The following CACNA2D3 variants were observed in gnomAD, a reference collection of about 807,000 sequenced individuals.
CACNA2D3 encodes the protein calcium voltage-gated channel auxiliary subunit alpha2delta 3.
Under a neutral mutation model 160.6 loss-of-function variants are expected in CACNA2D3, and 60 were observed. The ratio of observed to expected loss-of-function variants is 0.37; its 90% CI spans 0.30 to 0.46. The LOEUF (loss-of-function observed/expected upper bound fraction) is 0.46, where lower values mean the gene tolerates loss of function less well. CACNA2D3 is among the 20% of genes least tolerant of loss of function. CACNA2D3 has a pLI of 1.00. For synonymous variants in CACNA2D3, 558 were observed against 492.9 expected (o/e 1.13, Z -1.75); for missense variants, 1,205 against 1,365.0 (o/e 0.88, Z 1.85).
chr3:54,748,151 A>C (rs1701789695), intron 11 of CACNA2D3, among the ~76,000 whole-genome samples: 2 of 152,194 alleles, frequency 1.3e-5, no homozygotes, highest in Admixed American at 6.5e-5. Flanking sequence ...TCATTATTGA[A>C]GGGAGATGTG....
At chr3:54,600,485 C>A (rs553686388) in intron 9 of CACNA2D3, among the ~76,000 whole-genome samples, 6 of 152,274 alleles carry the variant, frequency 3.9e-5, no homozygotes, top group African/African-American at 1.4e-4. Context: ...CATTGAACAG[C>A]CAGCTGGGTC....
chr3:54,648,869 C>T (rs758396897), intron 11 of CACNA2D3, among the ~76,000 whole-genome samples: 4 of 152,054 alleles, frequency 2.6e-5, no homozygotes, highest in Admixed American at 6.6e-5. Flanking sequence ...TTTTAGTGAT[C>T]GGCTCTCACA....
At chr3:54,509,861 CAA>C (rs747922735) in intron 5 of CACNA2D3, among the ~76,000 whole-genome samples, 1 of 152,192 alleles carries the variant, frequency 6.6e-6, no homozygotes, top group Non-Finnish European at 1.5e-5. Context: ...TGGCTGAGTT[CAA>C]GTCTATTGGC....
chr3:54,201,461 C>A (rs1280269464), intron 2 of CACNA2D3, among the ~76,000 whole-genome samples: 2 of 152,120 alleles, frequency 1.3e-5, no homozygotes, highest in African/African-American at 2.4e-5. Context: ...ATGGAAAGAA[C>A]ATTTCACGTA....
chr3:54,688,230 T>C (rs768372193), intron 11 of CACNA2D3, among the ~76,000 whole-genome samples: 2 of 152,214 alleles, frequency 1.3e-5, no homozygotes, highest in Admixed American at 6.5e-5. Flanking sequence ...TGGTCAGATA[T>C]TCATTTTAAA....
At chr3:54,225,263 T>C (rs980971190) in intron 2 of CACNA2D3, among the ~76,000 whole-genome samples, 1 of 152,206 alleles carries the variant, frequency 6.6e-6, no homozygotes, top group African/African-American at 2.4e-5. Flanking sequence ...TTCATCCATG[T>C]CCCTACAAAG....
chr3:54,813,515 A>C (rs1214586462), intron 13 of CACNA2D3, among the ~76,000 whole-genome samples: 3 of 152,178 alleles, frequency 2.0e-5, no homozygotes, highest in African/African-American at 7.2e-5. Flanking sequence ...TTTCTCTTGA[A>C]GGCCATCAGC....
At chr3:54,966,249 G>C (rs1702147293) in intron 27 of CACNA2D3, among the ~76,000 whole-genome samples, 2 of 152,264 alleles carry the variant, frequency 1.3e-5, no homozygotes, top group Admixed American at 1.3e-4. Context: ...CTACCCTGGA[G>C]TGACTCTTTC....
chr3:54,214,400 A>G (rs1701426861), intron 2 of CACNA2D3, among the ~76,000 whole-genome samples: 4 of 152,124 alleles, frequency 2.6e-5, no homozygotes, highest in Admixed American at 2.6e-4. Context: ...TGACCTTTGC[A>G]TCACAACCTT....
chr3:54,257,500 C>T (rs1047445013), intron 2 of CACNA2D3, among the ~76,000 whole-genome samples: 25 of 151,860 alleles, frequency 1.6e-4, no homozygotes, highest in Non-Finnish European at 3.2e-4. Flanking sequence ...TTTTTTTTCC[C>T]TACGCTTTTA....
intron 4 of CACNA2D3, among the ~76,000 whole-genome samples, chr3:54,439,498 T>G (rs543577712): frequency 3.2e-4 from 48 of 152,272 alleles, no homozygotes; most frequent in African/African-American, 1.1e-3. Context: ...CAGACCTGGT[T>G]TCTCTGCTGT....
chr3:54,156,705 A>G (rs1346177669), intron 2 of CACNA2D3, among the ~76,000 whole-genome samples: 1 of 152,160 alleles, frequency 6.6e-6, no homozygotes, highest in Non-Finnish European at 1.5e-5. Context: ...ATGTGGGTAG[A>G]AGCTGAAGCG....
chr3:54,272,031 C>T (rs113558026), intron 2 of CACNA2D3, among the ~76,000 whole-genome samples: 17 of 151,842 alleles, frequency 1.1e-4, no homozygotes, highest in African/African-American at 4.1e-4. Flanking sequence ...AGCTTCTAGA[C>T]ACCCAGACAG....
At chr3:54,895,723 C>T (rs1462889505) in intron 25 of CACNA2D3, among the ~76,000 whole-genome samples, 3 of 152,176 alleles carry the variant, frequency 2.0e-5, no homozygotes, top group Non-Finnish European at 4.4e-5. Context: ...AAAATGTCTG[C>T]AGCAGACTGT....
intron 2 of CACNA2D3, among the ~76,000 whole-genome samples, chr3:54,225,801 G>A (rs1425005482): frequency 1.3e-5 from 2 of 151,512 alleles, no homozygotes; most frequent in Admixed American, 6.6e-5. Context: ...TTGGCCCTGT[G>A]TATTGATATG....
At chr3:54,613,734 T>C (rs563951268) in intron 9 of CACNA2D3, among the ~76,000 whole-genome samples, 1 of 152,326 alleles carries the variant, frequency 6.6e-6, no homozygotes, top group South Asian at 2.1e-4. Flanking sequence ...TGGTGCGCTG[T>C]GTTCCTTTTT....
At chr3:54,806,932 T>C (rs1703144637) in intron 13 of CACNA2D3, among the ~76,000 whole-genome samples, 1 of 152,110 alleles carries the variant, frequency 6.6e-6, no homozygotes, top group Admixed American at 6.5e-5. Context: ...TTGACAAACC[T>C]GAGAAAAATA....
intron 3 of CACNA2D3, among the ~76,000 whole-genome samples, chr3:54,364,226 T>C (rs1409679187): frequency 6.6e-6 from 1 of 152,216 alleles, no homozygotes. Flanking sequence ...GTAAAGACTT[T>C]TTTGACACTT....
intron 4 of CACNA2D3, among the ~76,000 whole-genome samples, chr3:54,452,408 T>C (rs1700322439): frequency 6.6e-6 from 1 of 152,192 alleles, no homozygotes; most frequent in African/African-American, 2.4e-5. Flanking sequence ...CAATTTAAGG[T>C]GAGATTTAGG....
Sources: allele counts gnomAD v4.1 joint callset (sites outside exome capture counted in the v4.1 genomes callset), GRCh38; gene constraint gnomAD v4.1.1; transcripts MANE v1.5; gene names NCBI Gene and HGNC (gene_info 2026-07-23, HGNC 2026-07-21).